Variants in PCCA observed in about 807,000 individuals in gnomAD.
PCCA encodes propionyl-CoA carboxylase alpha chain, mitochondrial.
A neutral mutation model predicts 101.3 loss-of-function variants in PCCA; 74 were observed. The ratio of observed to expected loss-of-function variants is 0.73; its 90% CI spans 0.61 to 0.89. The LOEUF is 0.89. Ranked by LOEUF, PCCA falls within the 40% of genes least tolerant of loss-of-function variation. The pLI is 0.00. For missense variants in PCCA, 891 were observed against 907.0 expected (o/e 0.98, Z 0.23); for synonymous variants, 294 against 313.6 (o/e 0.94, Z 0.66).
chr13:100,230,725 C>G (rs1215721969), intron 7 of PCCA, among the ~76,000 whole-genome samples: 1 of 152,178 alleles, frequency 6.6e-6, no homozygotes, highest in Non-Finnish European at 1.5e-5. Flanking sequence ...CTTCCAACAA[C>G]TGTTGGTTGA....
intron 21 of PCCA, among the ~76,000 whole-genome samples, chr13:100,504,993 C>G (rs1234033477): frequency 6.6e-6 from 1 of 152,230 alleles, no homozygotes; most frequent in Non-Finnish European, 1.5e-5. Context: ...ATCCACAGTT[C>G]ATAAAGAAGG....
chr13:100,204,415 C>T (rs2058730751), intron 6 of PCCA, among the ~76,000 whole-genome samples: 2 of 152,230 alleles, frequency 1.3e-5, no homozygotes, highest in African/African-American at 2.4e-5. Flanking sequence ...GCTGAGATTA[C>T]AGGCGTGACC....
intron 18 of PCCA, among the ~76,000 whole-genome samples, chr13:100,348,787 T>C (rs9518058): frequency 0.19 from 8,351 of 45,030 alleles, 608 homozygotes; most frequent in Non-Finnish European, 0.22. Context: ...TTTCTTTCTT[T>C]CTTCCTTCCT....
intron 4 of PCCA, among the ~76,000 whole-genome samples, chr13:100,135,846 C>T (rs1271556990): frequency 6.6e-6 from 1 of 152,160 alleles, no homozygotes; most frequent in African/African-American, 2.4e-5. Context: ...TACTCCTAAT[C>T]TGCCAATGAA....
At chr13:100,526,432 C>T (rs548123914) in intron 22 of PCCA, among the ~76,000 whole-genome samples, 1 of 152,374 alleles carries the variant, frequency 6.6e-6, no homozygotes, top group African/African-American at 2.4e-5. Flanking sequence ...AGAAGCAGCC[C>T]ACCACCTGAA....
At chr13:100,406,089 A>G (rs1239760609) in intron 19 of PCCA, among the ~76,000 whole-genome samples, 1 of 152,016 alleles carries the variant, frequency 6.6e-6, no homozygotes, top group East Asian at 1.9e-4. Context: ...CTTACTGACC[A>G]CAGGTCAGTA....
intron 21 of PCCA, among the ~76,000 whole-genome samples, chr13:100,487,413 T>A (rs1298652440): frequency 1.3e-5 from 2 of 152,234 alleles, no homozygotes; most frequent in Admixed American, 1.3e-4. Flanking sequence ...TTTCTGACTT[T>A]AAGACTTTAA....
At chr13:100,170,359 T>C (rs1473315587) in intron 6 of PCCA, among the ~76,000 whole-genome samples, 1 of 152,348 alleles carries the variant, frequency 6.6e-6, no homozygotes, top group African/African-American at 2.4e-5. Context: ...TAATGATTCT[T>C]GTTGCCCCCA....
intron 14 of PCCA, 55 bp from the exon 15 acceptor site, chr13:100,307,136 CA>C: frequency 8.5e-6 from 11 of 1,286,924 alleles, no homozygotes; most frequent in Admixed American, 1.7e-5. Context: ...TTGGTGGTTA[CA>C]AAAAAATATC....
At chr13:100,433,367 T>C (rs1469959638) in intron 20 of PCCA, among the ~76,000 whole-genome samples, 1 of 152,178 alleles carries the variant, frequency 6.6e-6, no homozygotes, top group Non-Finnish European at 1.5e-5. Context: ...GCAGGACTTA[T>C]CTAGATAGTA....
intron 11 of PCCA, among the ~76,000 whole-genome samples, chr13:100,272,119 G>T (rs1014641044): frequency 6.6e-6 from 1 of 152,124 alleles, no homozygotes; most frequent in South Asian, 2.1e-4. Flanking sequence ...AGGGTTTGTT[G>T]AAGTCATTTT....
At position 100,385,149 on chromosome 13, in the gene PCCA, G is replaced by A. The variant is rs372488218; in HGVS notation, c.1746+16575G>A. 1.1e-3 allele frequency among the ~76,000 whole-genome samples: 166 copies of A among 152,182 alleles called. 6 individuals are homozygous for A. In the South Asian group the frequency reaches 0.031, roughly 29 times the overall value. ...CTTTGAGGAAAATACCTTATTTTCT[G>A]TGAATAGTTTTTTAAAATTAAAACA... is the stretch of plus-strand genomic sequence containing the variant. On this transcript the variant is annotated intron_variant, in intron 19 of 23. Coordinates refer to ENST00000376285, the MANE Select transcript of PCCA (RefSeq NM_000282.4).
At position 100,395,025 on chromosome 13, in the gene PCCA, G is replaced by A. The variant is rs190582582; in HGVS notation, c.1746+26451G>A. 4.3e-4 allele frequency among the ~76,000 whole-genome samples: 66 copies of A among 152,228 alleles called. 1 individual carries two copies. Among genetic ancestry groups the A allele is most frequent in the Admixed American group, 4.1e-3 (62 of 15,274 alleles). On this transcript the variant is annotated intron_variant, in intron 19 of 23. Transcript: ENST00000376285. ...GGATGAAATGCTTGAGGGGGTTTGG[G>A]GCTGTACACTCATGGGCACAGGTTT...
chr13:100,275,800 A>G (rs2063613341), intron 12 of PCCA, among the ~76,000 whole-genome samples: 1 of 151,968 alleles, frequency 6.6e-6, no homozygotes, highest in Admixed American at 6.6e-5. Context: ...TCCTTAATTT[A>G]TCAAAAACTG....
intron 2 of PCCA, among the ~76,000 whole-genome samples, chr13:100,106,029 G>A (rs2152264967): frequency 1.3e-5 from 2 of 152,132 alleles, no homozygotes; most frequent in Non-Finnish European, 2.9e-5. Context: ...TTACCTTTAA[G>A]GATAATACTC....
intron 4 of PCCA, among the ~76,000 whole-genome samples, chr13:100,153,891 T>G (rs1252730550): frequency 6.6e-6 from 1 of 152,206 alleles, no homozygotes; most frequent in Non-Finnish European, 1.5e-5. Context: ...TTTACTAAAG[T>G]GGAAAATATT....
chr13:100,219,012 A>G (rs1318832542), intron 7 of PCCA, among the ~76,000 whole-genome samples: 1 of 152,164 alleles, frequency 6.6e-6, no homozygotes, highest in Non-Finnish European at 1.5e-5. Context: ...AACTACCTGA[A>G]AGAGCTTGGC....
At chr13:100,351,404 C>T (rs1000005249) in intron 18 of PCCA, among the ~76,000 whole-genome samples, 1 of 151,512 alleles carries the variant, frequency 6.6e-6, no homozygotes, top group Non-Finnish European at 1.5e-5. Context: ...TCTTTTGAAC[C>T]CATTATTTGA....
chr13:100,181,518 G>C lies in PCCA; in HGVS notation c.468+24178G>C, dbSNP rs374910012. ...GCTCACTGCACCTTCTGCCTCCTGG[G>C]CTCAAGCAATCCTCCCACCGTAGCC... On this transcript the variant is annotated intron_variant, in intron 6 of 23. Coordinates refer to ENST00000376285, the MANE Select transcript of PCCA (RefSeq NM_000282.4). Among the ~76,000 whole-genome samples the C allele has an allele frequency of 9.7e-4, 147 of 152,106 alleles. 4 individuals are homozygous for C. The South Asian group carries it at 0.028, about 29-fold the overall frequency.
Sources: gnomAD v4.1 joint callset for allele counts (sites outside exome capture counted in the v4.1 genomes callset) on GRCh38, gnomAD v4.1.1 for gene constraint, MANE v1.5 for transcripts, NCBI Gene and HGNC (gene_info 2026-07-23, HGNC 2026-07-21) for gene names.